The following SLC16A7 variants were observed in gnomAD, a reference collection of about 807,000 sequenced individuals.
SLC16A7 encodes the protein solute carrier family 16 member 7.
In SLC16A7, 33 loss-of-function variants were observed where a neutral mutation model predicts 34.9. The observed-to-expected ratio is 0.94, with a 90% CI of 0.72 to 1.26. The LOEUF is 1.26. Ranked by LOEUF, SLC16A7 falls within the 50% of genes most tolerant of loss-of-function variation. The pLI is 0.00. For synonymous variants in SLC16A7, 201 were observed against 206.6 expected, an observed-to-expected ratio of 0.97 and a Z score of 0.23; for missense variants, 573 against 578.1, an observed-to-expected ratio of 0.99 and a Z score of 0.09.
intron 3 of SLC16A7, among the ~76,000 whole-genome samples, chr12:59,742,340 C>G (rs948685314): frequency 6.6e-6 from 1 of 152,188 alleles, no homozygotes; most frequent in South Asian, 2.1e-4. Flanking sequence ...TTGTCTCTCC[C>G]TGGTGGCCTA....
At chr12:59,673,466 A>C (rs1870052083) in intron 2 of SLC16A7, among the ~76,000 whole-genome samples, 2 of 150,646 alleles carry the variant, frequency 1.3e-5, no homozygotes, top group African/African-American at 4.9e-5. Flanking sequence ...AGACTAGGCA[A>C]GTTGTCAGCA....
intron 3 of SLC16A7, among the ~76,000 whole-genome samples, chr12:59,742,513 A>T (rs1176006675): frequency 6.6e-6 from 1 of 152,248 alleles, no homozygotes; most frequent in African/African-American, 2.4e-5. Flanking sequence ...CTAGGAGGAA[A>T]GTGAGAAATC....
chr12:59,642,241 C>T (rs1257888309), intron 1 of SLC16A7, among the ~76,000 whole-genome samples: 1 of 151,902 alleles, frequency 6.6e-6, no homozygotes, highest in East Asian at 1.9e-4. Context: ...CTTGGAATTC[C>T]TTACCTATAG....
chr12:59,646,186 AAAATGTCTCCAGGGCATGTCAGAGAC>A (rs1159572389), intron 1 of SLC16A7, among the ~76,000 whole-genome samples: 1 of 152,180 alleles, frequency 6.6e-6, no homozygotes, highest in Non-Finnish European at 1.5e-5. Context: ...GACTGTGGGG[AAAATGTCTCCAGGGCATGTCAGAGAC>A]CGTCACAGCA....
chr12:59,664,364 A>T (rs894152084), intron 2 of SLC16A7, among the ~76,000 whole-genome samples: 2 of 152,040 alleles, frequency 1.3e-5, no homozygotes, highest in African/African-American at 4.8e-5. Flanking sequence ...ACTCTTTGGG[A>T]CAGAGAGCAT....
chr12:59,689,858 T>G (rs1871440957), intron 2 of SLC16A7, among the ~76,000 whole-genome samples: 1 of 151,952 alleles, frequency 6.6e-6, no homozygotes, highest in African/African-American at 2.4e-5. Context: ...AAAGTATTAT[T>G]AAGTGGCTTC....
chr12:59,727,427 T>C (rs1876419275), intron 3 of SLC16A7, among the ~76,000 whole-genome samples: 1 of 152,090 alleles, frequency 6.6e-6, no homozygotes, highest in Non-Finnish European at 1.5e-5. Context: ...AAGTTTGATA[T>C]CATGAAATTT....
chr12:59,741,377 C>T (rs920392537), intron 3 of SLC16A7, among the ~76,000 whole-genome samples: 7 of 152,162 alleles, frequency 4.6e-5, no homozygotes, highest in African/African-American at 1.4e-4. Flanking sequence ...GAGGAACAAA[C>T]TTTTCACAGC....
rs1045465989 is a variant in SLC16A7 at position 59,757,774 on chromosome 12, A to G, written c.218-13445A>G. On this transcript the variant is annotated intron_variant, in intron 3 of 5. Transcript: ENST00000547379. ...CCTCAGCCTACTTAACGTGAAGATA[A>G]TGAGGATTAAGACCTTTTTGATAGC... Among the ~76,000 whole-genome samples the G allele has an allele frequency of 3.3e-5, 5 of 152,178 alleles. No individual in the cohort carries two copies. In the East Asian group the frequency reaches 9.7e-4, roughly 29 times the overall value.
chr12:59,622,136 A>G (rs956275356), intron 1 of SLC16A7, among the ~76,000 whole-genome samples: 1 of 151,838 alleles, frequency 6.6e-6, no homozygotes, highest in Non-Finnish European at 1.5e-5. Flanking sequence ...AGCTAGAAAA[A>G]CTATCTTTTA....
intron 1 of SLC16A7, among the ~76,000 whole-genome samples, chr12:59,607,421 A>G (rs1024653454): frequency 3.7e-4 from 56 of 152,194 alleles, no homozygotes; most frequent in African/African-American, 1.3e-3. Context: ...CCATTTGTCT[A>G]TGAATATTTT....
At chr12:59,735,915 CTATGACTT>C in intron 3 of SLC16A7, 6 of 1,241,276 alleles carry the variant, frequency 4.8e-6, no homozygotes, top group Non-Finnish European at 6.3e-6. Context: ...TATAAATTCT[CTATGACTT>C]TGATAGGAAA....
chr12:59,693,583 T>C (rs1302553658), intron 2 of SLC16A7, among the ~76,000 whole-genome samples: 1 of 151,436 alleles, frequency 6.6e-6, no homozygotes, highest in Non-Finnish European at 1.5e-5. Context: ...TAAACAGTGA[T>C]ATTATATTGG....
At chr12:59,641,641 A>G (rs1442762944) in intron 1 of SLC16A7, among the ~76,000 whole-genome samples, 1 of 151,998 alleles carries the variant, frequency 6.6e-6, no homozygotes, top group Non-Finnish European at 1.5e-5. Flanking sequence ...TAATATTTAC[A>G]TTGAAGGGAG....
rs182736795 is a variant in SLC16A7, at chr12:59,670,695, A to G, written c.-31+15445A>G. Among the ~76,000 whole-genome samples, 31 of 152,320 alleles carry G rather than the reference A, an allele frequency of 2.0e-4. 2 individuals carry two copies. The highest frequency in any genetic ancestry group is 7.0e-4 in the African/African-American group (29 of 41,582). On this transcript the variant is annotated intron_variant, in intron 2 of 5. Transcript: ENST00000547379. ...CAAAAAGGAGAAATTGGAAGGAAAAACAAATGGTGTCACTGGTCTAAATTC... is the reference window on the plus strand; with the variant it reads ...CAAAAAGGAGAAATTGGAAGGAAAAGCAAATGGTGTCACTGGTCTAAATTC...
chr12:59,674,908 A>C (rs1455683087), intron 2 of SLC16A7, among the ~76,000 whole-genome samples: 1 of 152,184 alleles, frequency 6.6e-6, no homozygotes, highest in Admixed American at 6.5e-5. Flanking sequence ...GATCAAATTC[A>C]AACATGCTAG....
intron 2 of SLC16A7, among the ~76,000 whole-genome samples, chr12:59,698,477 C>G (rs1249676862): frequency 3.3e-5 from 5 of 151,770 alleles, no homozygotes; most frequent in Non-Finnish European, 7.4e-5. Flanking sequence ...ATGTCTTACA[C>G]TGGATGGCAT....
chr12:59,773,648 T>C (rs2137450502), intron 4 of SLC16A7, among the ~76,000 whole-genome samples: 1 of 152,014 alleles, frequency 6.6e-6, no homozygotes, highest in South Asian at 2.1e-4. Context: ...CACTGCAATC[T>C]CCGCCTCCTC....
At chr12:59,717,872 A>G (rs10877330) in intron 3 of SLC16A7, among the ~76,000 whole-genome samples, 24,665 of 152,146 alleles carry the variant, frequency 0.16, 2,059 homozygotes, top group African/African-American at 0.18. Flanking sequence ...TTGAACAATT[A>G]TATTTAGATT....
Sources: allele counts gnomAD v4.1 joint callset (sites outside exome capture counted in the v4.1 genomes callset), GRCh38; gene constraint gnomAD v4.1.1; transcripts MANE v1.5; gene names NCBI Gene and HGNC (gene_info 2026-07-23, HGNC 2026-07-21).